Variants in CNTNAP4 observed in about 807,000 individuals in gnomAD.
The protein encoded by CNTNAP4 is contactin-associated protein-like 4.
A neutral mutation model predicts 148.4 loss-of-function variants in CNTNAP4; 98 were observed. That is an observed-to-expected ratio of 0.66 (90% confidence interval 0.56 to 0.78). The LOEUF (loss-of-function observed/expected upper bound fraction) is 0.78. CNTNAP4 is among the 30% of genes least tolerant of loss of function. The pLI, the probability that CNTNAP4 is intolerant of heterozygous loss-of-function variation, is 0.00. For synonymous variants in CNTNAP4, 730 were observed against 565.1 expected, an observed-to-expected ratio of 1.29 and a Z score of -4.14; for missense variants, 1,935 against 1,565.6, an observed-to-expected ratio of 1.24 and a Z score of -3.98.
intron 17 of CNTNAP4, among the ~76,000 whole-genome samples, chr16:76,525,029 A>G (rs1431924648): frequency 6.6e-6 from 1 of 152,106 alleles, no homozygotes; most frequent in Non-Finnish European, 1.5e-5. Flanking sequence ...TCAAAACACC[A>G]CATGAGGGGC....
intron 12 of CNTNAP4, among the ~76,000 whole-genome samples, chr16:76,481,881 C>T (rs1039032207): frequency 2.6e-5 from 4 of 151,396 alleles, no homozygotes; most frequent in African/African-American, 9.7e-5. Flanking sequence ...GTAAGTGGGG[C>T]GTAGGAAGAG....
At position 76,535,605 on chromosome 16, in the gene CNTNAP4, G is replaced by C. The variant is rs1157461104; in HGVS notation, c.2816G>C (p.Gly939Ala). ...LGCIRSLQLNGMTLDLEERAQ... is the reference protein window; with the variant it reads ...LGCIRSLQLNAMTLDLEERAQ... ...TGCATTCGGTCTCTGCAGTTGAATG[G>C]GATGACCCTGGATTTGGAAGAAAGA... Residue 939 changes from glycine to alanine, a missense_variant, in exon 18 of 24, where the codon GGG becomes GCG. By Grantham distance (60) the Gly-to-Ala change is moderately conservative. Transcript: ENST00000611870. The C allele has an allele frequency of 1.2e-6, 2 of 1,613,272 alleles. No individual in the cohort carries two copies. The highest frequency in any genetic ancestry group is 1.7e-6 in the Non-Finnish European group (2 of 1,180,026).
intron 2 of CNTNAP4, among the ~76,000 whole-genome samples, chr16:76,347,941 T>C (rs1472577038): frequency 6.6e-6 from 1 of 152,136 alleles, no homozygotes; most frequent in East Asian, 1.9e-4. Context: ...TATTGCAGTA[T>C]TTTGTGCACA....
intron 12 of CNTNAP4, among the ~76,000 whole-genome samples, chr16:76,485,589 T>A (rs1270379707): frequency 6.6e-6 from 1 of 152,170 alleles, no homozygotes; most frequent in Non-Finnish European, 1.5e-5. Context: ...CCCCTTCTCA[T>A]GGTCCCATTA....
chr16:76,476,673 G>C (rs2081595506), intron 11 of CNTNAP4, among the ~76,000 whole-genome samples: 1 of 152,082 alleles, frequency 6.6e-6, no homozygotes, highest in Non-Finnish European at 1.5e-5. Flanking sequence ...TTCTCACTGT[G>C]TCCTCACATG....
intron 9 of CNTNAP4, among the ~76,000 whole-genome samples, chr16:76,466,233 C>A (rs2081173108): frequency 6.6e-6 from 1 of 152,026 alleles, no homozygotes. Context: ...ATCTCCAGTT[C>A]CATCCATGTT....
chr16:76,330,240 T>G (rs1208265873), intron 2 of CNTNAP4, among the ~76,000 whole-genome samples: 2 of 152,212 alleles, frequency 1.3e-5, no homozygotes, highest in African/African-American at 4.8e-5. Flanking sequence ...TATTTCTCCC[T>G]TGATCCCTCC....
intron 17 of CNTNAP4, among the ~76,000 whole-genome samples, chr16:76,524,218 C>A (rs969804218): frequency 2.0e-5 from 3 of 152,078 alleles, no homozygotes; most frequent in Non-Finnish European, 2.9e-5. Context: ...TAATCATGAT[C>A]TTGTGACCAC....
chr16:76,496,470 G>A (rs1017274250), intron 14 of CNTNAP4, among the ~76,000 whole-genome samples: 4 of 152,038 alleles, frequency 2.6e-5, no homozygotes, highest in Non-Finnish European at 5.9e-5. Context: ...TCAGATAATT[G>A]TTGTAAATCC....
At chr16:76,549,790 G>T (rs1379363461) in intron 21 of CNTNAP4, among the ~76,000 whole-genome samples, 1 of 152,042 alleles carries the variant, frequency 6.6e-6, no homozygotes, top group East Asian at 1.9e-4. Context: ...CTAAATAATA[G>T]AAATCAGGAT....
At chr16:76,417,152 A>G (rs909260358) in intron 3 of CNTNAP4, among the ~76,000 whole-genome samples, 2 of 151,402 alleles carry the variant, frequency 1.3e-5, no homozygotes, top group Admixed American at 1.3e-4. Flanking sequence ...TACTCTTTCT[A>G]TATACTCTGA....
intron 3 of CNTNAP4, among the ~76,000 whole-genome samples, chr16:76,406,847 C>G (rs1180315449): frequency 6.6e-6 from 1 of 152,122 alleles, no homozygotes; most frequent in African/African-American, 2.4e-5. Context: ...AAGAGGCTGT[C>G]TCCATAACAT....
chr16:76,364,013 C>T (rs138842810), intron 3 of CNTNAP4, among the ~76,000 whole-genome samples: 1,831 of 151,702 alleles, frequency 0.012, 35 homozygotes, highest in African/African-American at 0.037. Context: ...GGGGTGGGTG[C>T]ATCACTTGAG....
At chr16:76,518,382 C>T (rs1420461827) in intron 15 of CNTNAP4, among the ~76,000 whole-genome samples, 2 of 152,146 alleles carry the variant, frequency 1.3e-5, no homozygotes, top group Non-Finnish European at 1.5e-5. Context: ...CCCACCTCAG[C>T]CCCCAAAAGT....
chr16:76,352,658 C>A (rs189796673), intron 2 of CNTNAP4, among the ~76,000 whole-genome samples: 47 of 152,154 alleles, frequency 3.1e-4, no homozygotes, highest in African/African-American at 9.9e-4. Context: ...AAAGGACTCC[C>A]TTGCTCAGCA....
At chr16:76,500,453 T>C (rs1290043249) in intron 15 of CNTNAP4, among the ~76,000 whole-genome samples, 2 of 152,330 alleles carry the variant, frequency 1.3e-5, no homozygotes, top group East Asian at 3.9e-4. Context: ...GAATTTCTAA[T>C]TGCTGTTACC....
At chr16:76,419,267 C>T (rs1290339105) in intron 3 of CNTNAP4, among the ~76,000 whole-genome samples, 2 of 151,944 alleles carry the variant, frequency 1.3e-5, no homozygotes, top group African/African-American at 4.8e-5. Flanking sequence ...GGTACGGAGG[C>T]TGGAATGGGA....
intron 2 of CNTNAP4, among the ~76,000 whole-genome samples, chr16:76,330,595 T>C (rs1237922610): frequency 1.3e-5 from 2 of 152,206 alleles, no homozygotes; most frequent in Non-Finnish European, 2.9e-5. Context: ...ACAAACATTT[T>C]ACAAATTAAA....
At chr16:76,464,967 A>G (rs567985202) in intron 9 of CNTNAP4, among the ~76,000 whole-genome samples, 1 of 152,268 alleles carries the variant, frequency 6.6e-6, no homozygotes, top group South Asian at 2.1e-4. Flanking sequence ...CCCCTATGGA[A>G]TCTTTTGCAA....
Sources: allele counts gnomAD v4.1 joint callset (sites outside exome capture counted in the v4.1 genomes callset), GRCh38; gene constraint gnomAD v4.1.1; transcripts MANE v1.5; gene names NCBI Gene and HGNC (gene_info 2026-07-23, HGNC 2026-07-21).